SLFN12L: variants seen among roughly 807,000 people sequenced by gnomAD.
The protein encoded by SLFN12L is schlafen family member 12-like.
SLFN12L carries 34 observed loss-of-function variants against 34.8 expected under a neutral mutation model. The ratio of observed to expected loss-of-function variants is 0.98; its 90% CI spans 0.74 to 1.30. The LOEUF (loss-of-function observed/expected upper bound fraction) is 1.30. Ranked by LOEUF, SLFN12L falls within the 50% of genes most tolerant of loss-of-function variation. SLFN12L has a pLI of 0.00. For missense variants in SLFN12L, 703 were observed against 696.2 expected (o/e 1.01, Z -0.11); for synonymous variants, 259 against 247.5 (o/e 1.05, Z -0.44).
At chr17:35,495,042 G>C (rs1914996246) in intron 2 of SLFN12L, among the ~76,000 whole-genome samples, 1 of 151,834 alleles carries the variant, frequency 6.6e-6, no homozygotes. Context: ...GGAACTACAG[G>C]GGCGCCCCAC....
At chr17:35,534,631 C>T (rs2072441584) in intron 1 of SLFN12L, among the ~76,000 whole-genome samples, 1 of 151,244 alleles carries the variant, frequency 6.6e-6, no homozygotes, top group East Asian at 1.9e-4. Flanking sequence ...AGGGACCTGG[C>T]AATTGATGGG....
At chr17:35,484,704 C>A (rs142362665) in intron 2 of SLFN12L, among the ~76,000 whole-genome samples, 1 of 152,304 alleles carries the variant, frequency 6.6e-6, no homozygotes, top group Non-Finnish European at 1.5e-5. Context: ...ATTGCTCTCA[C>A]TATCTGGAGC....
Position 35,473,262 on chromosome 17 carries a change from A to T in SLFN12L, c.*1661T>A, listed in dbSNP as rs995460490. ...AAGGGAATGCTTCCAGGTTTTGCCC[A>T]TTCAGTATGATATTGGCTGTGGGTT... On this transcript the variant is annotated 3_prime_UTR_variant, in exon 5 of 5. Coordinates refer to ENST00000628453, the MANE Select transcript of SLFN12L (RefSeq NM_001363830.2). 6.6e-6 allele frequency among the ~76,000 whole-genome samples: 1 copy of T among 152,186 alleles called. No homozygotes were observed. The highest frequency in any genetic ancestry group is 1.5e-5 in the Non-Finnish European group (1 of 68,024).
Position 35,474,690 on chromosome 17 carries a change from G to GT in SLFN12L, c.*232_*233insA, listed in dbSNP as rs1555538111. The GT allele has an allele frequency of 3.0e-4, 105 of 353,516 alleles. No homozygotes were observed. Among genetic ancestry groups the GT allele is most frequent in the Middle Eastern group, 2.5e-3 (3 of 1,206 alleles). 21.9% of individuals were successfully genotyped at this position (353,516 alleles called of 1,614,324 possible). A position where few individuals can be genotyped will look rare whatever the true frequency, so the allele number is the denominator to read the frequency against. Reference sequence around the variant, plus strand: ...TACTCCTAGCACTTTGGGAGACCGGGGGGGGGGGTTGAATCACGAGGTCAG... The same window carrying GT: ...TACTCCTAGCACTTTGGGAGACCGGGTGGGGGGGGTTGAATCACGAGGTCAG... On this transcript the variant is annotated 3_prime_UTR_variant, in exon 5 of 5. Transcript: ENST00000628453.
At chr17:35,476,183 G>A (rs191145156) in intron 4 of SLFN12L, among the ~76,000 whole-genome samples, 1 of 152,166 alleles carries the variant, frequency 6.6e-6, no homozygotes, top group East Asian at 1.9e-4. Flanking sequence ...GCTGCCAGAG[G>A]AGCTGGGATT....
chr17:35,502,437 A>AAC lies in SLFN12L; in HGVS notation c.86+19841_86+19842insGT, dbSNP rs1555543242. On this transcript the variant is annotated intron_variant, in intron 2 of 4. Transcript: ENST00000628453. The stretch of plus-strand genomic sequence containing the variant: ...TAAGGAAAAAAAAAAAAAAAAAAAA[A>AAC]AAAAAACGATGATTTAACATTAACC... Among the ~76,000 whole-genome samples the AAC allele has an allele frequency of 1.5e-3, 218 of 148,986 alleles. 4 individuals are homozygous for AAC. The highest frequency in any genetic ancestry group is 5.0e-3 in the African/African-American group (205 of 40,638).
At chr17:35,511,490 C>G (rs529941775) in intron 2 of SLFN12L, among the ~76,000 whole-genome samples, 4 of 152,106 alleles carry the variant, frequency 2.6e-5, no homozygotes, top group Admixed American at 2.6e-4. Flanking sequence ...AAAAGCATCA[C>G]TTTGGGAGGC....
chr17:35,474,922 C>A lies in SLFN12L; in HGVS notation c.*1G>T. 1 of 1,539,464 alleles carries A rather than the reference C, an allele frequency of 6.5e-7. No homozygotes were observed. Among genetic ancestry groups the A allele is most frequent in the South Asian group, 1.2e-5 (1 of 81,656 alleles). On this transcript the variant is annotated 3_prime_UTR_variant, in exon 5 of 5. Transcript: ENST00000628453. ...CTCCAGTCTGGGTGACAGAGTGAGA[C>A]TCATCTCAAGAAAAAACAAACAAAC...
chr17:35,479,675 C>G lies in SLFN12L; in HGVS notation c.607G>C (p.Glu203Gln). The change falls in exon 3 of 5, where the codon GAA becomes CAA. Residue 203 changes from glutamate (E) to glutamine (Q), a missense_variant. Glu to Gln is a conservative substitution (Grantham distance 29, BLOSUM62 2). Transcript: ENST00000628453. ...ACACAGGCCCTTTTTGCAGGGAATT[C>G]TGGTCTTAAATATGCTCTCCCTCCA... is the stretch of plus-strand genomic sequence containing the variant. Reference protein sequence around the residue: ...KTGGRAYLRPEFPAKRACVDV... With the variant: ...KTGGRAYLRPQFPAKRACVDV... The G allele has an allele frequency of 6.2e-7, 1 of 1,612,528 alleles. No individual in the cohort carries two copies. Among genetic ancestry groups the G allele is most frequent in the South Asian group, 1.1e-5 (1 of 90,882 alleles).
At chr17:35,494,599 A>C (rs1914970476) in intron 2 of SLFN12L, among the ~76,000 whole-genome samples, 1 of 152,220 alleles carries the variant, frequency 6.6e-6, no homozygotes, top group African/African-American at 2.4e-5. Flanking sequence ...ATAAATCTCT[A>C]ATACGACAGC....
At chr17:35,490,202 A>G (rs1914779163) in intron 2 of SLFN12L, 13 of 1,596,084 alleles carry the variant, frequency 8.1e-6, no homozygotes, top group Non-Finnish European at 1.0e-5. Context: ...ACGAGGCGGC[A>G]GTGGCCCTCT....
chr17:35,485,511 G>A (rs919788668), intron 2 of SLFN12L, among the ~76,000 whole-genome samples: 3 of 152,092 alleles, frequency 2.0e-5, no homozygotes, highest in Non-Finnish European at 4.4e-5. Context: ...CTGTGCAGAC[G>A]CTGTTTAGTT....
intron 2 of SLFN12L, chr17:35,510,290 G>A (rs1026924876): frequency 1.3e-5 from 2 of 152,176 alleles, no homozygotes; most frequent in Non-Finnish European, 2.9e-5. Flanking sequence ...TGTGCACACA[G>A]GCACTTGTAC....
rs187931118 is a variant in SLFN12L, at chr17:35,522,523, C to T, written c.-159G>A. 3.9e-4 allele frequency: 623 copies of T among 1,612,474 alleles called. 1 individual carries two copies. The highest frequency in any genetic ancestry group is 2.8e-4 in the Admixed American group (17 of 59,874). On this transcript the variant is annotated 5_prime_UTR_variant, in exon 2 of 5. Transcript: ENST00000628453. ...AGGTCACTCAAGAGAGACCTGAAGC[C>T]GAGCAAGACAATCACGAGGGACTGC...
At chr17:35,494,103 T>G (rs1914947865) in intron 2 of SLFN12L, among the ~76,000 whole-genome samples, 1 of 152,204 alleles carries the variant, frequency 6.6e-6, no homozygotes, top group South Asian at 2.1e-4. Flanking sequence ...GGAATTTATT[T>G]TCCTACGGGG....
At chr17:35,520,270 G>A (rs1450260107) in intron 2 of SLFN12L, among the ~76,000 whole-genome samples, 1 of 152,212 alleles carries the variant, frequency 6.6e-6, no homozygotes, top group Non-Finnish European at 1.5e-5. Context: ...CTGGACAAGA[G>A]ACTGATTTTA....
intron 2 of SLFN12L, among the ~76,000 whole-genome samples, chr17:35,491,743 G>C (rs550311506): frequency 2.6e-5 from 4 of 152,346 alleles, no homozygotes; most frequent in African/African-American, 9.6e-5. Flanking sequence ...TCATGCAAAA[G>C]TATGAAATGA....
intron 2 of SLFN12L, among the ~76,000 whole-genome samples, chr17:35,495,900 AACACACACAC>A (rs58553128): frequency 0.07 from 9,599 of 137,988 alleles, 464 homozygotes; most frequent in Middle Eastern, 0.17. Flanking sequence ...GCCGATTTGA[AACACACACAC>A]ACACACACAC....
intron 4 of SLFN12L, among the ~76,000 whole-genome samples, chr17:35,477,470 G>A (rs1321665336): frequency 1.3e-5 from 2 of 152,090 alleles, no homozygotes; most frequent in Admixed American, 1.3e-4. Context: ...TATGCCTTGG[G>A]AAAAGAGAAA....
Sources: gnomAD v4.1 joint callset for allele counts (sites outside exome capture counted in the v4.1 genomes callset) on GRCh38, gnomAD v4.1.1 for gene constraint, MANE v1.5 for transcripts, NCBI Gene and HGNC (gene_info 2026-07-23, HGNC 2026-07-21) for gene names.